Variants in VPS53 observed in about 807,000 individuals in gnomAD.
The protein encoded by VPS53 is vacuolar protein sorting-associated protein 53 homolog.
In VPS53, 70 loss-of-function variants were observed where a neutral mutation model predicts 107.0. The ratio of observed to expected loss-of-function variants is 0.65; its 90% CI spans 0.54 to 0.80. The LOEUF is 0.80. VPS53 is among the 30% of genes least tolerant of loss of function. The pLI is 0.00. For synonymous variants in VPS53, 409 were observed against 393.3 expected (o/e 1.04, Z -0.47); for missense variants, 917 against 1,049.4 (o/e 0.87, Z 1.74).
Position 710,529 on chromosome 17 carries a change from T to C in VPS53, c.168+4A>G. 1 of 1,612,006 alleles carries C rather than the reference T, an allele frequency of 6.2e-7. No homozygotes were observed. The highest frequency in any genetic ancestry group is 8.5e-7 in the Non-Finnish European group (1 of 1,178,314). ...AAAGGAAGGAAACCTGAAACTCTAC[T>C]TACTTGCTCGGTTGGGAACAGGGTA... On this transcript the variant is annotated splice_donor_region_variant and intron_variant, in intron 2 of 21. Coordinates refer to ENST00000437048, the MANE Select transcript of VPS53 (RefSeq NM_001128159.3).
chr17:665,864 C>T lies in VPS53; in HGVS notation c.286-3969G>A, dbSNP rs112390693. Among the ~76,000 whole-genome samples, 1,435 of 152,084 alleles carry T rather than the reference C, an allele frequency of 9.4e-3. 24 individuals carry two copies. Among genetic ancestry groups the T allele is most frequent in the African/African-American group, 0.032 (1,336 of 41,468 alleles). ...ACTAAAAATACAAAAATTAGATGGG[C>T]GTGGTGGCGGGCACCTGTCATCCCA... On this transcript the variant is annotated intron_variant, in intron 4 of 21. Transcript: ENST00000437048.
intron 4 of VPS53, among the ~76,000 whole-genome samples, chr17:671,991 GAA>G (rs1227389668): frequency 2.0e-5 from 3 of 151,764 alleles, no homozygotes; most frequent in Non-Finnish European, 4.4e-5. Flanking sequence ...TGAGAATTGG[GAA>G]AAAGAGTTTG....
chr17:581,877 G>A (rs898807894), intron 13 of VPS53, among the ~76,000 whole-genome samples: 1 of 136,222 alleles, frequency 7.3e-6, no homozygotes, highest in African/African-American at 2.8e-5. Context: ...CAGTACATTC[G>A]CAGACAACCT....
At chr17:636,402 C>T (rs1488606234) in intron 7 of VPS53, among the ~76,000 whole-genome samples, 4 of 152,154 alleles carry the variant, frequency 2.6e-5, no homozygotes, top group Admixed American at 1.3e-4. Context: ...ATTGAATACC[C>T]TTTATTTCTT....
At chr17:628,759 C>T (rs1488714352) in intron 8 of VPS53, among the ~76,000 whole-genome samples, 1 of 152,154 alleles carries the variant, frequency 6.6e-6, no homozygotes. Context: ...GGTTCCAAGC[C>T]ACGACATGTG....
chr17:592,932 C>T (rs1967744739), intron 12 of VPS53, among the ~76,000 whole-genome samples: 1 of 152,150 alleles, frequency 6.6e-6, no homozygotes, highest in South Asian at 2.1e-4. Flanking sequence ...GAATGTTGGC[C>T]TGCCTTGCTA....
At chr17:556,931 G>A (rs374814027) in intron 15 of VPS53, among the ~76,000 whole-genome samples, 12 of 152,156 alleles carry the variant, frequency 7.9e-5, no homozygotes, top group African/African-American at 2.7e-4. Flanking sequence ...GTGGCCAGGA[G>A]GGGCTCTCTG....
intron 4 of VPS53, among the ~76,000 whole-genome samples, chr17:666,244 A>G (rs1971679205): frequency 6.6e-6 from 1 of 152,236 alleles, no homozygotes; most frequent in South Asian, 2.1e-4. Flanking sequence ...AAAATAAAAA[A>G]AAGCAGAGAT....
At chr17:674,184 G>A (rs1972068978) in intron 4 of VPS53, 1 of 152,120 alleles carries the variant, frequency 6.6e-6, no homozygotes, top group South Asian at 2.1e-4. Context: ...CTGAATGAAA[G>A]GTAAAGAAAT....
chr17:658,339 G>A (rs1035664523), intron 5 of VPS53, among the ~76,000 whole-genome samples: 3 of 143,022 alleles, frequency 2.1e-5, no homozygotes, highest in Non-Finnish European at 3.1e-5. Flanking sequence ...CCGTGAGTTC[G>A]TGGATAGATA....
chr17:656,668 C>T, intron 5 of VPS53: 1 of 557,462 alleles, frequency 1.8e-6, no homozygotes, highest in Non-Finnish European at 3.1e-6. Flanking sequence ...TGAAATCATC[C>T]ACTGTGTTTC....
intron 4 of VPS53, among the ~76,000 whole-genome samples, chr17:686,945 G>A (rs562446835): frequency 6.6e-6 from 1 of 151,886 alleles, no homozygotes; most frequent in Non-Finnish European, 1.5e-5. Context: ...CCAGGAGTTT[G>A]AGACTAGCCT....
chr17:655,692 T>C (rs1567713122), intron 6 of VPS53, 146 bp downstream of exon 6: 1 of 684,530 alleles, frequency 1.5e-6, no homozygotes, highest in Non-Finnish European at 2.4e-6. Flanking sequence ...AAAGCAAAAA[T>C]GGTGACTGAA....
At chr17:618,637 A>G (rs1355399283) in intron 11 of VPS53, among the ~76,000 whole-genome samples, 2 of 150,472 alleles carry the variant, frequency 1.3e-5, no homozygotes, top group Non-Finnish European at 2.9e-5. Flanking sequence ...GGTAGCTGGG[A>G]CTACAGGTGC....
At chr17:561,453 C>T (rs145303568) in intron 14 of VPS53, among the ~76,000 whole-genome samples, 335 of 152,234 alleles carry the variant, frequency 2.2e-3, no homozygotes, top group African/African-American at 7.6e-3. Flanking sequence ...AATGCTCCCA[C>T]GATGAAGTTA....
chr17:634,046 AG>A (rs1338528961), intron 7 of VPS53, among the ~76,000 whole-genome samples: 1 of 152,188 alleles, frequency 6.6e-6, no homozygotes, highest in African/African-American at 2.4e-5. Flanking sequence ...TCACAGGGGA[AG>A]TCCAGCCGCT....
intron 13 of VPS53, among the ~76,000 whole-genome samples, chr17:577,911 A>G (rs990553645): frequency 6.6e-6 from 1 of 151,828 alleles, no homozygotes; most frequent in Non-Finnish European, 1.5e-5. Flanking sequence ...TCAGAACCTA[A>G]TGCGTTCCCA....
chr17:666,641 G>A (rs1308083112), intron 4 of VPS53, among the ~76,000 whole-genome samples: 5 of 152,090 alleles, frequency 3.3e-5, no homozygotes, highest in African/African-American at 1.2e-4. Flanking sequence ...TCCAGCCTGG[G>A]CAACAAGAGC....
At chr17:521,260 G>A (rs1265806775) in intron 20 of VPS53, among the ~76,000 whole-genome samples, 2 of 152,218 alleles carry the variant, frequency 1.3e-5, no homozygotes, top group African/African-American at 4.8e-5. Context: ...GTGGAAGGGA[G>A]TAACTGAGAG....
Sources: gnomAD v4.1 joint callset for allele counts (sites outside exome capture counted in the v4.1 genomes callset) on GRCh38, gnomAD v4.1.1 for gene constraint, MANE v1.5 for transcripts, NCBI Gene and HGNC (gene_info 2026-07-23, HGNC 2026-07-21) for gene names.